SCHIP1: variants seen among roughly 807,000 people sequenced by gnomAD.
The protein encoded by SCHIP1 is schwannomin-interacting protein 1.
In SCHIP1, 8 loss-of-function variants were observed where a neutral mutation model predicts 29.7. The ratio of observed to expected loss-of-function variants is 0.27; its 90% CI spans 0.16 to 0.49. The LOEUF is 0.49. SCHIP1 is among the 20% of genes least tolerant of loss of function. SCHIP1 has a pLI of 0.99. For missense variants in SCHIP1, 193 were observed against 294.6 expected, an observed-to-expected ratio of 0.66 and a Z score of 2.52; for synonymous variants, 76 against 94.9, an observed-to-expected ratio of 0.80 and a Z score of 1.16.
chr3:159,872,243 G>C (rs1167092446), intron 2 of SCHIP1, among the ~76,000 whole-genome samples: 1 of 152,030 alleles, frequency 6.6e-6, no homozygotes, highest in East Asian at 1.9e-4. Context: ...TTAACTAGAA[G>C]GTTTTCACTG....
the SCHIP1 span, among the ~76,000 whole-genome samples, chr3:159,763,186 C>T: frequency 1.3e-5 from 2 of 151,958 alleles, no homozygotes; most frequent in African/African-American, 2.4e-5. Flanking sequence ...TGGAGCTGCG[C>T]GGTGGAGGGA....
the SCHIP1 span, among the ~76,000 whole-genome samples, chr3:159,486,955 A>G: frequency 6.6e-6 from 1 of 152,214 alleles, no homozygotes; most frequent in Non-Finnish European, 1.5e-5. Flanking sequence ...TTCTAGGAGC[A>G]CAAGAGAAGG....
At chr3:159,412,262 T>C in the SCHIP1 span, among the ~76,000 whole-genome samples, 1 of 152,214 alleles carries the variant, frequency 6.6e-6, no homozygotes, top group Non-Finnish European at 1.5e-5. Flanking sequence ...CCATGTTTAA[T>C]GTACTATTAG....
the SCHIP1 span, among the ~76,000 whole-genome samples, chr3:159,733,030 A>T: frequency 2.6e-5 from 4 of 152,270 alleles, no homozygotes; most frequent in Non-Finnish European, 5.9e-5. Flanking sequence ...AAACAAGACT[A>T]TGATTGTGGA....
At chr3:159,367,220 C>G in the SCHIP1 span, among the ~76,000 whole-genome samples, 1 of 152,090 alleles carries the variant, frequency 6.6e-6, no homozygotes, top group Non-Finnish European at 1.5e-5. Context: ...TGGAGAAACC[C>G]CGTCTCTACT....
chr3:159,866,794 A>C (rs1382515212), intron 2 of SCHIP1, among the ~76,000 whole-genome samples: 2 of 152,312 alleles, frequency 1.3e-5, no homozygotes, highest in Non-Finnish European at 1.5e-5. Context: ...ATTTCAGGAT[A>C]TCATTACTCT....
the SCHIP1 span, among the ~76,000 whole-genome samples, chr3:159,305,241 A>T: frequency 6.6e-6 from 1 of 152,070 alleles, no homozygotes; most frequent in Admixed American, 6.5e-5. Flanking sequence ...GTGGCCTCCC[A>T]TCCAAGCTGT....
At chr3:159,400,547 CTGTT>C in the SCHIP1 span, among the ~76,000 whole-genome samples, 4 of 152,168 alleles carry the variant, frequency 2.6e-5, no homozygotes, top group African/African-American at 9.6e-5. Context: ...CAGCTAGTAA[CTGTT>C]TGTCTGTTAT....
the SCHIP1 span, among the ~76,000 whole-genome samples, chr3:159,725,518 G>T: frequency 6.6e-6 from 1 of 152,104 alleles, no homozygotes; most frequent in East Asian, 1.9e-4. Context: ...GCCTGCCTCC[G>T]CCTTCCAAAG....
At chr3:159,410,995 T>A in the SCHIP1 span, among the ~76,000 whole-genome samples, 1 of 151,922 alleles carries the variant, frequency 6.6e-6, no homozygotes, top group Non-Finnish European at 1.5e-5. Context: ...GAACTAGAGG[T>A]TATTATGTTA....
the SCHIP1 span, among the ~76,000 whole-genome samples, chr3:159,521,913 A>T: frequency 6.6e-6 from 1 of 152,268 alleles, no homozygotes; most frequent in Admixed American, 6.5e-5. Context: ...ATATTAAAAT[A>T]CAAGGATTTT....
the SCHIP1 span, among the ~76,000 whole-genome samples, chr3:159,789,132 C>CACAG: frequency 2.0e-5 from 3 of 150,650 alleles, no homozygotes; most frequent in East Asian, 5.9e-4. Context: ...TCTATATATA[C>CACAG]AGAGAGAGAG....
At chr3:159,293,780 T>C in the SCHIP1 span, among the ~76,000 whole-genome samples, 1 of 151,954 alleles carries the variant, frequency 6.6e-6, no homozygotes, top group Non-Finnish European at 1.5e-5. Flanking sequence ...TTTAACTCAA[T>C]AGTTATAGGG....
the SCHIP1 span, among the ~76,000 whole-genome samples, chr3:159,377,821 A>G: frequency 6.6e-6 from 1 of 152,224 alleles, no homozygotes; most frequent in South Asian, 2.1e-4. Context: ...AAACCAAAAG[A>G]AGGGGTGCAC....
At chr3:159,800,733 A>G in the SCHIP1 span, among the ~76,000 whole-genome samples, 13 of 150,754 alleles carry the variant, frequency 8.6e-5, no homozygotes, top group South Asian at 2.1e-3. Flanking sequence ...ATTTTTATAC[A>G]GGGCAGAGGT....
chr3:159,880,742 A>C (rs960753633), intron 2 of SCHIP1, among the ~76,000 whole-genome samples: 4 of 152,234 alleles, frequency 2.6e-5, no homozygotes, highest in African/African-American at 9.6e-5. Context: ...CAATGAATGA[A>C]TGAATGAATG....
the SCHIP1 span, among the ~76,000 whole-genome samples, chr3:159,776,809 CT>C: frequency 6.6e-6 from 1 of 152,114 alleles, no homozygotes; most frequent in Non-Finnish European, 1.5e-5. Flanking sequence ...TTAAAGTTCT[CT>C]TTTTTTAGTA....
chr3:159,583,897 T>C, the SCHIP1 span, among the ~76,000 whole-genome samples: 1 of 152,194 alleles, frequency 6.6e-6, no homozygotes, highest in Non-Finnish European at 1.5e-5. Context: ...AATCGGCTCT[T>C]TATTCTCTCG....
chr3:159,554,931 A>C, the SCHIP1 span, among the ~76,000 whole-genome samples: 1 of 152,216 alleles, frequency 6.6e-6, no homozygotes, highest in African/African-American at 2.4e-5. Context: ...AGGAGACTGC[A>C]GTCTTAGGAT....
Sources: allele counts gnomAD v4.1 joint callset (sites outside exome capture counted in the v4.1 genomes callset), GRCh38; gene constraint gnomAD v4.1.1; transcripts MANE v1.5; gene names NCBI Gene and HGNC (gene_info 2026-07-23, HGNC 2026-07-21).